The following CSF2RA variants were observed in gnomAD, a reference collection of about 807,000 sequenced individuals.
CSF2RA encodes the protein granulocyte-macrophage colony-stimulating factor receptor subunit alpha.
A neutral mutation model predicts 51.6 loss-of-function variants in CSF2RA; 42 were observed. The ratio of observed to expected loss-of-function variants is 0.81; its 90% CI spans 0.64 to 1.05. CSF2RA has a LOEUF of 1.05. Among genes scored for constraint, CSF2RA ranks in the 50% least tolerant of loss-of-function variants. The probability of loss-of-function intolerance (pLI) is 0.00; values close to 1 mark genes in which losing one functional copy is unlikely to be tolerated. For synonymous variants in CSF2RA, 222 were observed against 193.0 expected (o/e 1.15, Z -1.24); for missense variants, 530 against 501.1 (o/e 1.06, Z -0.55).
intron 7 of CSF2RA, among the ~76,000 whole-genome samples, chrX:1,292,434 C>G (rs1169034870): frequency 6.6e-6 from 1 of 152,116 alleles, no homozygotes; most frequent in Non-Finnish European, 1.5e-5. Context: ...GGACCTGCAC[C>G]GGTCTCTGAG....
At chrX:1,307,922 C>A (rs1464233987) in intron 12 of CSF2RA, among the ~76,000 whole-genome samples, 1 of 150,874 alleles carries the variant, frequency 6.6e-6, no homozygotes, top group Non-Finnish European at 1.5e-5. Context: ...CCCATTTAGA[C>A]CTTCAACTCA....
chrX:1,293,280 G>A (rs766951131), intron 7 of CSF2RA, among the ~76,000 whole-genome samples: 1,610 of 152,142 alleles, frequency 0.011, 34 homozygotes, highest in African/African-American at 0.036. Context: ...GGGCAGTGGC[G>A]GGATCTCGGC....
chrX:1,294,602 C>T (rs1472120846), intron 8 of CSF2RA, 141 bp downstream of exon 8: 56 of 1,092,918 alleles, frequency 5.1e-5, no homozygotes, highest in South Asian at 2.0e-4. Context: ...GAACGCACTT[C>T]GGGTAGCGGA....
At chrX:1,325,206 C>G in the CSF2RA span, among the ~76,000 whole-genome samples, 1 of 147,764 alleles carries the variant, frequency 6.8e-6, no homozygotes, top group Non-Finnish European at 1.5e-5. Context: ...CTAAAATACA[C>G]AAAAAAATTA....
chrX:1,320,499 CTTT>C, the CSF2RA span, among the ~76,000 whole-genome samples: 1 of 139,480 alleles, frequency 7.2e-6, no homozygotes, highest in East Asian at 2.1e-4. Context: ...GCCAATGTGG[CTTT>C]TTTTTTTTTT....
intron 4 of CSF2RA, among the ~76,000 whole-genome samples, chrX:1,286,636 A>G (rs1412274616): frequency 1.3e-5 from 2 of 152,128 alleles, no homozygotes; most frequent in African/African-American, 4.8e-5. Context: ...CAAACAACAC[A>G]AGTGTGGTAT....
At chrX:1,320,485 A>C in the CSF2RA span, among the ~76,000 whole-genome samples, 1 of 142,782 alleles carries the variant, frequency 7.0e-6, no homozygotes, top group African/African-American at 2.6e-5. Context: ...AGAAGAATTT[A>C]TATGCCAATG....
At chrX:1,313,522 C>A (rs1471897177), downstream of CSF2RA, among the ~76,000 whole-genome samples, 1 of 147,696 alleles carries the variant, frequency 6.8e-6, no homozygotes, top group Non-Finnish European at 1.5e-5. Flanking sequence ...CCAGCCTGGC[C>A]AACATGGCAA....
chrX:1,280,646 C>A (rs1162006559), intron 2 of CSF2RA, among the ~76,000 whole-genome samples: 5 of 147,896 alleles, frequency 3.4e-5, no homozygotes, highest in African/African-American at 1.3e-4. Context: ...TCCTTCTCCC[C>A]CCTTCCTCCT....
In CSF2RA at chrX:1,295,439, G is replaced by T; in HGVS notation, c.793G>T (p.Gly265Cys). Residue 265 changes from glycine (G) to cysteine (C), a missense_variant, in exon 9 of 13, where the codon GGC becomes TGC. By Grantham distance (159) the Gly-to-Cys change is radical. Coordinates refer to ENST00000381529, the MANE Select transcript of CSF2RA (RefSeq NM_172245.4). Reference protein sequence around the residue: ...LDVHRKNTQPGTENLLINVSG... With the variant: ...LDVHRKNTQPCTENLLINVSG... Reference sequence around the variant, plus strand: ...GTTTTGTTTCTAGAATACCCAGCCTGGCACGGAAAACCTACTGGTAAGTGA... The same window carrying T: ...GTTTTGTTTCTAGAATACCCAGCCTTGCACGGAAAACCTACTGGTAAGTGA... 6.2e-7 allele frequency: 1 copy of T among 1,613,432 alleles called. No homozygotes were observed. Among genetic ancestry groups the T allele is most frequent in the Non-Finnish European group, 8.5e-7 (1 of 1,179,572 alleles).
rs758879393 is a variant in CSF2RA at position 1,290,423 on chromosome X, C to T, written c.560C>T (p.Thr187Met). 4 of 1,613,568 alleles carry T rather than the reference C, an allele frequency of 2.5e-6. No individual in the cohort carries two copies. Among genetic ancestry groups the T allele is most frequent in the Admixed American group, 1.7e-5 (1 of 59,956 alleles). Residue 187 changes from threonine (T) to methionine (M), a missense_variant, in exon 7 of 13, where the codon ACG (threonine) becomes ATG (methionine). Physicochemically the swap from Thr to Met is moderately conservative, Grantham distance 81. Coordinates refer to ENST00000381529, the MANE Select transcript of CSF2RA (RefSeq NM_172245.4). ...GCHLDNLSGLTSRNYFLVNGT... is the reference protein window; with the variant it reads ...GCHLDNLSGLMSRNYFLVNGT... ...CACCTGGATAACCTGTCAGGATTAA[C>T]GTCTCGCAATTACTTTCTGGTTAAC...
chrX:1,302,611 T>A, intron 10 of CSF2RA, among the ~76,000 whole-genome samples: 1 of 152,002 alleles, frequency 6.6e-6, no homozygotes, highest in East Asian at 1.9e-4. Flanking sequence ...TTCAAGCGAT[T>A]CTCCTGCCTC....
downstream of CSF2RA, among the ~76,000 whole-genome samples, chrX:1,313,604 T>G (rs1374774531): frequency 2.7e-5 from 4 of 148,992 alleles, no homozygotes; most frequent in Non-Finnish European, 5.9e-5. Context: ...CCCAGCTACT[T>G]GGGAGGTTGA....
At chrX:1,314,528 C>A (rs865918261), downstream of CSF2RA, among the ~76,000 whole-genome samples, 9 of 86,340 alleles carry the variant, frequency 1.0e-4, no homozygotes, top group African/African-American at 5.1e-4. Flanking sequence ...CTGCCCAATC[C>A]CACTGCACCT....
At chrX:1,314,406 G>C (rs1436931707), downstream of CSF2RA, among the ~76,000 whole-genome samples, 2 of 148,636 alleles carry the variant, frequency 1.3e-5, no homozygotes, top group African/African-American at 5.0e-5. Flanking sequence ...CACTGCACCT[G>C]CCTAACCGTA....
chrX:1,288,689 C>T lies in CSF2RA; in HGVS notation c.343+47C>T, dbSNP rs201421482. The T allele has an allele frequency of 2.1e-4, 333 of 1,613,922 alleles. 3 individuals carry two copies. Among genetic ancestry groups the T allele is most frequent in the South Asian group, 2.1e-4 (19 of 91,076 alleles). ...TCCGTTTACAGCACTGGCCCCACCACCCCGCCAGCATCAAAGTACATCCCG... is the reference window on the plus strand; with the variant it reads ...TCCGTTTACAGCACTGGCCCCACCATCCCGCCAGCATCAAAGTACATCCCG... On this transcript the variant is annotated intron_variant, in intron 5 of 12. Transcript: ENST00000381529.
intron 7 of CSF2RA, among the ~76,000 whole-genome samples, chrX:1,291,475 G>A (rs185933506): frequency 1.3e-5 from 2 of 150,074 alleles, no homozygotes; most frequent in South Asian, 2.1e-4. Flanking sequence ...ACCTCTTCGT[G>A]TCCCAGTGCC....
intron 2 of CSF2RA, among the ~76,000 whole-genome samples, chrX:1,276,706 T>A (rs2089234080): frequency 6.6e-6 from 1 of 151,880 alleles, no homozygotes; most frequent in Admixed American, 6.6e-5. Context: ...TTTCAAAATA[T>A]GTCAAGTAAA....
chrX:1,279,494 T>G (rs1441601701), intron 2 of CSF2RA, among the ~76,000 whole-genome samples: 2 of 151,902 alleles, frequency 1.3e-5, no homozygotes, highest in Non-Finnish European at 2.9e-5. Flanking sequence ...GGGAGTTGTA[T>G]CTGAATCTCA....
Sources: allele counts gnomAD v4.1 joint callset (sites outside exome capture counted in the v4.1 genomes callset), GRCh38; gene constraint gnomAD v4.1.1; transcripts MANE v1.5; gene names NCBI Gene and HGNC (gene_info 2026-07-23, HGNC 2026-07-21).